Variants in CALD1 observed in about 807,000 individuals in gnomAD.
CALD1 encodes the protein caldesmon.
Under a neutral mutation model 99.9 loss-of-function variants are expected in CALD1, and 33 were observed. The ratio of observed to expected loss-of-function variants is 0.33; its 90% confidence interval spans 0.25 to 0.44. The LOEUF is 0.44. CALD1 is among the 20% of genes least tolerant of loss of function. The pLI, the probability that CALD1 is intolerant of heterozygous loss-of-function variation, is 1.00. For synonymous variants in CALD1, 310 were observed against 325.0 expected (o/e 0.95, Z 0.50); for missense variants, 861 against 962.1 (o/e 0.89, Z 1.39).
intron 11 of CALD1, among the ~76,000 whole-genome samples, chr7:134,959,655 G>A (rs1365769124): frequency 6.6e-6 from 1 of 152,044 alleles, no homozygotes; most frequent in African/African-American, 2.4e-5. Context: ...GGGTGACAGA[G>A]CAAGACCCTG....
At chr7:134,952,373 G>C (rs889141768) in intron 9 of CALD1, among the ~76,000 whole-genome samples, 1 of 152,058 alleles carries the variant, frequency 6.6e-6, no homozygotes, top group Admixed American at 6.5e-5. Context: ...GTTATATCAA[G>C]TGGCACACCA....
At chr7:134,781,128 G>A (rs1754069096) in intron 1 of CALD1, among the ~76,000 whole-genome samples, 1 of 152,202 alleles carries the variant, frequency 6.6e-6, no homozygotes, top group Non-Finnish European at 1.5e-5. Flanking sequence ...GTAAGTGTGA[G>A]AGAAAAGCTG....
chr7:134,960,281 T>C, intron 12 of CALD1, 170 bp downstream of exon 12: 1 of 779,630 alleles, frequency 1.3e-6, no homozygotes, highest in Non-Finnish European at 2.1e-6. Flanking sequence ...GTTTGTGAGG[T>C]TGCATGAGGT....
chr7:134,960,925 T>G (rs1808213934), intron 13 of CALD1: 1 of 206,168 alleles, frequency 4.9e-6, no homozygotes, highest in South Asian at 1.5e-4. Context: ...TTTGTTTAGC[T>G]TCTATTCTAT....
At chr7:134,726,859 G>C in the CALD1 span, among the ~76,000 whole-genome samples, 18 of 152,226 alleles carry the variant, frequency 1.2e-4, no homozygotes, top group Non-Finnish European at 2.4e-4. Flanking sequence ...AGCCCATCTA[G>C]TGAGGATAAT....
Position 134,938,888 on chromosome 7 carries a change from C to T in CALD1, c.1387-2204C>T, listed in dbSNP as rs553629854. 2.6e-5 allele frequency among the ~76,000 whole-genome samples: 4 copies of T among 152,142 alleles called. No individual in the cohort carries two copies. In the East Asian group the frequency reaches 5.8e-4, roughly 22 times the overall value. ...AATCTATTTTAAACACTTTTGGGAC[C>T]AGTAAATCAGATATAATACATTTGG... On this transcript the variant is annotated intron_variant, in intron 6 of 14. Coordinates refer to ENST00000361675, the MANE Select transcript of CALD1 (RefSeq NM_033138.4).
intron 3 of CALD1, among the ~76,000 whole-genome samples, chr7:134,883,225 G>A (rs1363985249): frequency 6.6e-6 from 1 of 152,166 alleles, no homozygotes; most frequent in Non-Finnish European, 1.5e-5. Context: ...ATCCTAGAAA[G>A]ACTCTGAATT....
intron 9 of CALD1, among the ~76,000 whole-genome samples, chr7:134,957,145 C>A (rs549154773): frequency 6.6e-6 from 1 of 152,272 alleles, no homozygotes; most frequent in African/African-American, 2.4e-5. Flanking sequence ...TGTGCCCCAT[C>A]CTCATTCTAC....
chr7:134,747,559 G>C lies in CALD1; in HGVS notation c.-130+3196G>C, dbSNP rs562469021. Among the ~76,000 whole-genome samples the C allele has an allele frequency of 3.9e-5, 6 of 152,338 alleles. No homozygotes were observed. The South Asian group carries it at 1.2e-3, about 32-fold the overall frequency. On this transcript the variant is annotated intron_variant, in intron 1 of 13. Transcript: ENST00000417172. ...AAGCATTGTGGAGATCACTGGGGCT[G>C]CCCTTCCCATCATAGGTCCTGGAGT... is the stretch of plus-strand genomic sequence containing the variant.
chr7:134,774,649 G>A (rs1412443799), upstream of CALD1, among the ~76,000 whole-genome samples: 1 of 152,142 alleles, frequency 6.6e-6, no homozygotes, highest in Non-Finnish European at 1.5e-5. Context: ...GTCCTCAGAG[G>A]TTCCCAGGGC....
intron 2 of CALD1, among the ~76,000 whole-genome samples, chr7:134,854,532 TTTTG>T (rs1800216584): frequency 6.6e-6 from 1 of 151,976 alleles, no homozygotes; most frequent in Non-Finnish European, 1.5e-5. Flanking sequence ...TGTAGGGGCC[TTTTG>T]TTTAATGACA....
intron 3 of CALD1, among the ~76,000 whole-genome samples, chr7:134,899,093 A>C (rs1802785930): frequency 6.6e-6 from 1 of 152,210 alleles, no homozygotes. Flanking sequence ...AAACTTTTAG[A>C]TCAAATATAG....
intron 3 of CALD1, among the ~76,000 whole-genome samples, chr7:134,905,645 TCTC>T (rs150711124): frequency 0.029 from 4,363 of 151,444 alleles, 97 homozygotes; most frequent in Non-Finnish European, 0.041. Context: ...TGAGCAAACT[TCTC>T]CTCCTGGAGG....
chr7:134,867,988 A>G (rs1431651884), intron 3 of CALD1, 184 bp downstream of exon 3: 4 of 410,382 alleles, frequency 9.7e-6, no homozygotes, highest in East Asian at 4.0e-5. Flanking sequence ...GAAAACAAAC[A>G]AGAATCAAGA....
chr7:134,809,061 A>C (rs1342540467), intron 1 of CALD1, among the ~76,000 whole-genome samples: 1 of 152,224 alleles, frequency 6.6e-6, no homozygotes, highest in Non-Finnish European at 1.5e-5. Context: ...ATATTTACTA[A>C]GGAAAGAATA....
intron 9 of CALD1, 63 bp from the exon 10 acceptor site, chr7:134,958,006 C>A: frequency 8.0e-7 from 1 of 1,250,944 alleles, no homozygotes; most frequent in Non-Finnish European, 1.2e-6. Flanking sequence ...TTGGCCTGGG[C>A]TGAGAAACAC....
intron 1 of CALD1, among the ~76,000 whole-genome samples, chr7:134,803,899 T>C (rs904421983): frequency 6.6e-6 from 1 of 152,198 alleles, no homozygotes; most frequent in African/African-American, 2.4e-5. Flanking sequence ...TTTTGCCATG[T>C]TGACCAGGCT....
chr7:134,909,962 A>T (rs1358661885), intron 3 of CALD1, among the ~76,000 whole-genome samples: 1 of 152,234 alleles, frequency 6.6e-6, no homozygotes, highest in Non-Finnish European at 1.5e-5. Flanking sequence ...TTGAGAGCAC[A>T]AAGGGACATT....
chr7:134,739,348 T>C (rs1452629358), upstream of CALD1, among the ~76,000 whole-genome samples: 1 of 152,226 alleles, frequency 6.6e-6, no homozygotes, highest in Non-Finnish European at 1.5e-5. Flanking sequence ...GACCTGGAAT[T>C]AGAACCTAGG....
Sources: gnomAD v4.1 joint callset for allele counts (sites outside exome capture counted in the v4.1 genomes callset) on GRCh38, gnomAD v4.1.1 for gene constraint, MANE v1.5 for transcripts, NCBI Gene and HGNC (gene_info 2026-07-23, HGNC 2026-07-21) for gene names.